Variants in SLIT3 observed in about 807,000 individuals in gnomAD.
The protein encoded by SLIT3 is slit homolog 3 protein.
SLIT3 carries 68 observed loss-of-function variants against 184.0 expected under a neutral mutation model. That is an observed-to-expected ratio of 0.37 (90% confidence interval 0.30 to 0.45). The LOEUF is 0.45. SLIT3 is among the 20% of genes least tolerant of loss of function. The pLI is 1.00. For missense variants in SLIT3, 1,707 were observed against 2,026.0 expected (o/e 0.84, Z 3.02); for synonymous variants, 831 against 828.6 (o/e 1.00, Z -0.05).
At chr5:168,961,756 A>C (rs1763016570) in intron 4 of SLIT3, among the ~76,000 whole-genome samples, 1 of 152,172 alleles carries the variant, frequency 6.6e-6, no homozygotes, top group South Asian at 2.1e-4. Flanking sequence ...CTGGAAAAGA[A>C]AGAGCCACGG....
At chr5:169,010,834 C>T (rs918770323) in intron 4 of SLIT3, among the ~76,000 whole-genome samples, 9 of 148,308 alleles carry the variant, frequency 6.1e-5, no homozygotes, top group Non-Finnish European at 7.4e-5. Flanking sequence ...ACCCAGGAGG[C>T]GGAGGCAGAG....
rs540257196 is a variant in SLIT3, at chr5:168,751,890, A to C, written c.1973+1065T>G. Among the ~76,000 whole-genome samples the C allele has an allele frequency of 4.6e-5, 7 of 152,190 alleles. No homozygotes were observed. In the South Asian group the frequency reaches 1.5e-3, roughly 32 times the overall value. ...GTAGCTGGGACCACAGGTGTGCACC[A>C]CCACCACGCCCAGGCAATTTTTGCA... On this transcript the variant is annotated intron_variant, in intron 18 of 35. Coordinates refer to ENST00000519560, the MANE Select transcript of SLIT3 (RefSeq NM_003062.4).
At chr5:168,960,356 T>C (rs1005896365) in intron 4 of SLIT3, among the ~76,000 whole-genome samples, 11 of 152,228 alleles carry the variant, frequency 7.2e-5, no homozygotes, top group African/African-American at 2.7e-4. Flanking sequence ...GAATTTAAAC[T>C]ATGTATTAAA....
intron 2 of SLIT3, among the ~76,000 whole-genome samples, chr5:169,245,777 C>T (rs546392203): frequency 2.3e-4 from 35 of 152,280 alleles, no homozygotes; most frequent in Admixed American, 5.2e-4. Flanking sequence ...ACTGAATGCT[C>T]CATGACAGTC....
At chr5:169,294,163 G>A (rs1342771663) in intron 1 of SLIT3, among the ~76,000 whole-genome samples, 3 of 151,666 alleles carry the variant, frequency 2.0e-5, no homozygotes, top group South Asian at 2.1e-4. Flanking sequence ...GAGCCTGCTA[G>A]GAAATACAGC....
intron 20 of SLIT3, among the ~76,000 whole-genome samples, chr5:168,739,620 A>G (rs1421403526): frequency 6.6e-6 from 1 of 151,650 alleles, no homozygotes; most frequent in Non-Finnish European, 1.5e-5. Context: ...ACGTCTGGCA[A>G]ATTTTGTATT....
intron 7 of SLIT3, among the ~76,000 whole-genome samples, chr5:168,820,779 C>T (rs1158128280): frequency 6.6e-6 from 1 of 152,180 alleles, no homozygotes; most frequent in African/African-American, 2.4e-5. Context: ...ATAAAAGGTG[C>T]CTTTTAGCCA....
chr5:168,715,588 C>A (rs79806716), intron 23 of SLIT3, among the ~76,000 whole-genome samples: 5,876 of 152,294 alleles, frequency 0.039, 421 homozygotes, highest in Admixed American at 0.18. Flanking sequence ...CCATCAGGAC[C>A]CTCTGTGTCT....
At chr5:169,058,427 C>T (rs1356988524) in intron 4 of SLIT3, among the ~76,000 whole-genome samples, 1 of 152,106 alleles carries the variant, frequency 6.6e-6, no homozygotes, top group South Asian at 2.1e-4. Context: ...AAGGTAAGAA[C>T]GCAGGTCAAG....
At chr5:169,240,833 A>T (rs1221064377) in intron 3 of SLIT3, among the ~76,000 whole-genome samples, 2 of 148,292 alleles carry the variant, frequency 1.3e-5, no homozygotes, top group Admixed American at 1.3e-4. Flanking sequence ...CATATTTTGT[A>T]TCATACTGTG....
chr5:168,752,674 C>T (rs1363658438), intron 18 of SLIT3: 12 of 412,006 alleles, frequency 2.9e-5, no homozygotes, highest in African/African-American at 1.0e-4. Context: ...GGATTACAGG[C>T]GTGAGCCACC....
At chr5:169,070,812 A>G (rs1190905047) in intron 4 of SLIT3, among the ~76,000 whole-genome samples, 1 of 151,412 alleles carries the variant, frequency 6.6e-6, no homozygotes, top group Non-Finnish European at 1.5e-5. Flanking sequence ...AAAAAAAAAA[A>G]AAAGAAACAA....
intron 4 of SLIT3, among the ~76,000 whole-genome samples, chr5:168,987,480 C>T (rs77743969): frequency 0.022 from 3,427 of 152,318 alleles, 45 homozygotes; most frequent in Middle Eastern, 0.051. Flanking sequence ...ATGTACTTAA[C>T]CTCTGAGTGT....
chr5:169,037,152 G>C (rs1369740273), intron 4 of SLIT3, among the ~76,000 whole-genome samples: 1 of 152,152 alleles, frequency 6.6e-6, no homozygotes, highest in Non-Finnish European at 1.5e-5. Flanking sequence ...GGCATTGCCA[G>C]GGGCACTACT....
intron 1 of SLIT3, among the ~76,000 whole-genome samples, chr5:169,283,463 T>G (rs1379073706): frequency 6.6e-6 from 1 of 152,186 alleles, no homozygotes; most frequent in Non-Finnish European, 1.5e-5. Flanking sequence ...TGACCTGACT[T>G]GGGTCATAAA....
intron 28 of SLIT3, among the ~76,000 whole-genome samples, chr5:168,695,322 G>C (rs1762024389): frequency 6.6e-6 from 1 of 152,204 alleles, no homozygotes; most frequent in Non-Finnish European, 1.5e-5. Flanking sequence ...GCTGGGAATA[G>C]TGTTCGAGGA....
At chr5:169,117,424 C>A (rs113652190) in intron 4 of SLIT3, among the ~76,000 whole-genome samples, 2 of 151,948 alleles carry the variant, frequency 1.3e-5, no homozygotes, top group Admixed American at 1.3e-4. Context: ...CCTCCCTGCC[C>A]CCCTCACCTC....
intron 4 of SLIT3, among the ~76,000 whole-genome samples, chr5:169,169,088 G>C (rs527257013): frequency 6.6e-6 from 1 of 152,328 alleles, no homozygotes; most frequent in African/African-American, 2.4e-5. Flanking sequence ...GTAAGCAACA[G>C]CAGCATCCTA....
chr5:169,028,176 C>T (rs536537447), intron 4 of SLIT3, among the ~76,000 whole-genome samples: 2 of 152,198 alleles, frequency 1.3e-5, no homozygotes, highest in South Asian at 4.2e-4. Flanking sequence ...CTTGTGACCA[C>T]CTCTGATGCA....
Sources: gnomAD v4.1 joint callset for allele counts (sites outside exome capture counted in the v4.1 genomes callset) on GRCh38, gnomAD v4.1.1 for gene constraint, MANE v1.5 for transcripts, NCBI Gene and HGNC (gene_info 2026-07-23, HGNC 2026-07-21) for gene names.